Variants in CCDC171 observed in about 807,000 individuals in gnomAD.
CCDC171 encodes coiled-coil domain-containing protein 171.
In CCDC171, 177 loss-of-function variants were observed where a neutral mutation model predicts 168.2. The ratio of observed to expected loss-of-function variants is 1.05; its 90% CI spans 0.93 to 1.19. The LOEUF (loss-of-function observed/expected upper bound fraction) is 1.19. CCDC171 is among the 50% of genes most tolerant of loss of function. CCDC171 has a pLI of 0.00. For missense variants in CCDC171, 1,991 were observed against 1,539.0 expected (o/e 1.29, Z -4.91); for synonymous variants, 687 against 540.8 (o/e 1.27, Z -3.75).
intron 3 of CCDC171, among the ~76,000 whole-genome samples, chr9:15,998,944 AAG>A (rs747853264): frequency 1.3e-5 from 2 of 152,308 alleles, no homozygotes; most frequent in East Asian, 3.9e-4. Context: ...ACATGTGAAA[AAG>A]AGACAACTTT....
chr9:15,880,420 A>T (rs551277116), intron 24 of CCDC171, among the ~76,000 whole-genome samples: 25 of 151,600 alleles, frequency 1.6e-4, no homozygotes, highest in African/African-American at 5.8e-4. Flanking sequence ...TAATTAAATC[A>T]TGCTAATGAA....
At chr9:15,603,920 TC>T (rs1169300216) in intron 6 of CCDC171, among the ~76,000 whole-genome samples, 1 of 152,254 alleles carries the variant, frequency 6.6e-6, no homozygotes, top group East Asian at 1.9e-4. Flanking sequence ...ATCTGTTGTT[TC>T]TTGGCTTTTT....
chr9:15,747,903 C>T (rs1469142898), intron 18 of CCDC171, among the ~76,000 whole-genome samples: 3 of 152,154 alleles, frequency 2.0e-5, no homozygotes, highest in African/African-American at 7.2e-5. Context: ...ATGACTTTGA[C>T]GAGTTGACAG....
At chr9:15,602,097 A>G (rs999380363) in intron 6 of CCDC171, among the ~76,000 whole-genome samples, 6 of 152,156 alleles carry the variant, frequency 3.9e-5, no homozygotes, top group Admixed American at 3.3e-4. Context: ...TGTAAGGTAA[A>G]TTTTACTGTA....
intron 11 of CCDC171, among the ~76,000 whole-genome samples, chr9:15,702,223 A>T (rs1043517896): frequency 6.6e-6 from 1 of 152,134 alleles, no homozygotes; most frequent in Non-Finnish European, 1.5e-5. Context: ...TGTCATCCGT[A>T]TGAGCTGTTC....
intron 24 of CCDC171, chr9:15,875,748 G>A (rs1442094587): frequency 6.6e-6 from 1 of 151,662 alleles, no homozygotes; most frequent in Non-Finnish European, 1.5e-5. Flanking sequence ...TTTGTTATTA[G>A]TACCAAATTA....
chr9:15,730,654 C>T (rs1403947132), intron 16 of CCDC171, among the ~76,000 whole-genome samples: 1 of 151,630 alleles, frequency 6.6e-6, no homozygotes, highest in East Asian at 1.9e-4. Flanking sequence ...CACACACATA[C>T]ATAAATAAAA....
chr9:15,558,930 G>T (rs1462428694), intron 1 of CCDC171, among the ~76,000 whole-genome samples: 4 of 152,060 alleles, frequency 2.6e-5, no homozygotes, highest in African/African-American at 9.7e-5. Context: ...CTGGTATGTT[G>T]TGTCTTTGTT....
intron 3 of CCDC171, among the ~76,000 whole-genome samples, chr9:15,996,001 T>C (rs1342533264): frequency 1.3e-5 from 2 of 152,212 alleles, no homozygotes; most frequent in African/African-American, 4.8e-5. Context: ...TATTCTTCTG[T>C]TTCTTCAGGT....
chr9:15,793,441 A>G (rs2058376174), intron 21 of CCDC171, among the ~76,000 whole-genome samples: 1 of 152,074 alleles, frequency 6.6e-6, no homozygotes, highest in South Asian at 2.1e-4. Context: ...GATATCCAGG[A>G]ATTGAACTCA....
At chr9:15,712,881 T>C (rs2134052488) in intron 11 of CCDC171, among the ~76,000 whole-genome samples, 1 of 152,328 alleles carries the variant, frequency 6.6e-6, no homozygotes, top group African/African-American at 2.4e-5. Context: ...TTGTTCAATT[T>C]TGTAAAGACA....
chr9:16,097,956 T>A, the CCDC171 span, among the ~76,000 whole-genome samples: 1 of 152,244 alleles, frequency 6.6e-6, no homozygotes, highest in African/African-American at 2.4e-5. Context: ...CCAGTCAGCT[T>A]CATGTTAGGA....
chr9:16,089,157 T>C, the CCDC171 span, among the ~76,000 whole-genome samples: 2 of 152,158 alleles, frequency 1.3e-5, no homozygotes, highest in African/African-American at 2.4e-5. Context: ...TGGCTAGCCA[T>C]GTGCAGAAAA....
intron 18 of CCDC171, among the ~76,000 whole-genome samples, chr9:15,771,331 C>T (rs2057001469): frequency 6.6e-6 from 1 of 152,132 alleles, no homozygotes; most frequent in Non-Finnish European, 1.5e-5. Context: ...CTGGTTTTCT[C>T]ATAACACCTT....
At position 15,729,835 on chromosome 9, in the gene CCDC171, T is replaced by A. The variant is rs748972202; in HGVS notation, c.2049+37T>A. The A allele has an allele frequency of 8.9e-6, 14 of 1,569,534 alleles. No homozygotes were observed. In the South Asian group the frequency reaches 1.4e-4, roughly 16 times the overall value. The stretch of plus-strand genomic sequence containing the variant: ...TTACAAAGAGCTTTAAAAAATGGGT[T>A]ACTCAGTGTAACCATTAGAAACTTT... On this transcript the variant is annotated intron_variant, in intron 16 of 25. Transcript: ENST00000380701.
At chr9:16,039,636 A>C (rs1564131324), upstream of CCDC171, among the ~76,000 whole-genome samples, 1 of 152,148 alleles carries the variant, frequency 6.6e-6, no homozygotes, top group Non-Finnish European at 1.5e-5. Flanking sequence ...GTAGCCCCTA[A>C]GGTTGTCCTC....
rs992456812 is a variant in CCDC171 at position 15,798,150 on chromosome 9, T to C, written c.3267+13456T>C. Among the ~76,000 whole-genome samples, 3 of 152,320 alleles carry C rather than the reference T, an allele frequency of 2.0e-5. No homozygotes were observed. The East Asian group carries it at 5.8e-4, about 29-fold the overall frequency. On this transcript the variant is annotated intron_variant, in intron 21 of 25. Coordinates refer to ENST00000380701, the MANE Select transcript of CCDC171 (RefSeq NM_173550.4). Reference sequence around the variant, plus strand: ...GCTATTTGGGTCCATTGAATTTCTATACAAGTTTTAGAATCAGATTGTCAT... The same window carrying C: ...GCTATTTGGGTCCATTGAATTTCTACACAAGTTTTAGAATCAGATTGTCAT...
At chr9:15,846,368 C>T (rs1221399039) in intron 21 of CCDC171, among the ~76,000 whole-genome samples, 1 of 151,996 alleles carries the variant, frequency 6.6e-6, no homozygotes, top group Non-Finnish European at 1.5e-5. Flanking sequence ...TGTGCTTTCT[C>T]CCCTGAAATC....
intron 24 of CCDC171, among the ~76,000 whole-genome samples, chr9:15,903,956 T>C (rs1316530951): frequency 4.6e-5 from 7 of 151,762 alleles, no homozygotes; most frequent in African/African-American, 1.7e-4. Flanking sequence ...TGAAATGAAG[T>C]GAGAAGAGAA....
Sources: allele counts gnomAD v4.1 joint callset (sites outside exome capture counted in the v4.1 genomes callset), GRCh38; gene constraint gnomAD v4.1.1; transcripts MANE v1.5; gene names NCBI Gene and HGNC (gene_info 2026-07-23, HGNC 2026-07-21).